The following ACTR3C variants were observed in gnomAD, a reference collection of about 807,000 sequenced individuals.
ACTR3C encodes actin-related protein 3C.
In ACTR3C, 18 loss-of-function variants were observed where a neutral mutation model predicts 26.3. The observed-to-expected ratio is 0.68, with a 90% CI of 0.47 to 1.01. ACTR3C has a LOEUF of 1.01. ACTR3C is among the 50% of genes least tolerant of loss of function. ACTR3C has a pLI of 0.00. For missense variants in ACTR3C, 184 were observed against 250.7 expected, an observed-to-expected ratio of 0.73 and a Z score of 1.80; for synonymous variants, 55 against 94.5, an observed-to-expected ratio of 0.58 and a Z score of 2.42.
chr7:150,083,123 T>C, the ACTR3C span, among the ~76,000 whole-genome samples: 7 of 151,058 alleles, frequency 4.6e-5, 1 homozygote, highest in Non-Finnish European at 1.0e-4. Flanking sequence ...GTTTTTGAAT[T>C]TTCTTTTTTT....
At chr7:149,949,749 A>C in the ACTR3C span, among the ~76,000 whole-genome samples, 1 of 147,312 alleles carries the variant, frequency 6.8e-6, no homozygotes, top group South Asian at 2.1e-4. Flanking sequence ...TGAGGATGGA[A>C]GCAGAGTACA....
At chr7:149,904,792 C>T in the ACTR3C span, among the ~76,000 whole-genome samples, 1 of 150,274 alleles carries the variant, frequency 6.7e-6, no homozygotes, top group Non-Finnish European at 1.5e-5. Flanking sequence ...TCAGGAGTTC[C>T]AGACCAGCCT....
the ACTR3C span, among the ~76,000 whole-genome samples, chr7:150,165,430 T>C: frequency 6.6e-6 from 1 of 151,852 alleles, no homozygotes; most frequent in African/African-American, 2.4e-5. Context: ...AAGAGCTGCC[T>C]CAAGGGCTCT....
At chr7:149,981,342 TG>T in the ACTR3C span, among the ~76,000 whole-genome samples, 11 of 152,144 alleles carry the variant, frequency 7.2e-5, no homozygotes, top group African/African-American at 2.4e-4. Context: ...CTGGGCTTTT[TG>T]CATCAGGGCC....
At chr7:149,954,704 CTGAG>C in the ACTR3C span, among the ~76,000 whole-genome samples, 36 of 152,298 alleles carry the variant, frequency 2.4e-4, no homozygotes, top group African/African-American at 8.2e-4. Flanking sequence ...AGCCACTTAA[CTGAG>C]TATGTGTGGA....
the ACTR3C span, among the ~76,000 whole-genome samples, chr7:149,947,342 C>A: frequency 1.1e-5 from 1 of 90,012 alleles, no homozygotes; most frequent in African/African-American, 5.8e-5. Flanking sequence ...GTGGGGAGCC[C>A]CCCAAGAAGA....
At chr7:150,036,577 C>G in the ACTR3C span, among the ~76,000 whole-genome samples, 1 of 143,868 alleles carries the variant, frequency 7.0e-6, no homozygotes. Flanking sequence ...TGACCTCATA[C>G]AAAGGCTTGG....
the ACTR3C span, among the ~76,000 whole-genome samples, chr7:150,128,687 G>C: frequency 1.3e-5 from 2 of 151,322 alleles, no homozygotes; most frequent in African/African-American, 4.9e-5. Flanking sequence ...AGAGACACAA[G>C]ATCAGTGTGA....
the ACTR3C span, among the ~76,000 whole-genome samples, chr7:149,938,903 C>CT: frequency 4.0e-4 from 59 of 146,656 alleles, no homozygotes; most frequent in African/African-American, 1.3e-3. Flanking sequence ...TGCATAATAT[C>CT]TAAATAAATA....
At chr7:149,992,827 G>T in the ACTR3C span, among the ~76,000 whole-genome samples, 2 of 152,198 alleles carry the variant, frequency 1.3e-5, no homozygotes, top group African/African-American at 2.4e-5. Flanking sequence ...TAGGCCATCT[G>T]CAAGCTCGGG....
At chr7:150,032,715 G>A in the ACTR3C span, among the ~76,000 whole-genome samples, 1 of 151,874 alleles carries the variant, frequency 6.6e-6, no homozygotes, top group African/African-American at 2.4e-5. Flanking sequence ...TAAGAGTGAA[G>A]TCCCACAGCC....
chr7:149,936,250 C>T, the ACTR3C span, among the ~76,000 whole-genome samples: 4 of 152,198 alleles, frequency 2.6e-5, no homozygotes, highest in African/African-American at 9.6e-5. Flanking sequence ...TTGGGTATAC[C>T]GGGTTTGGCT....
the ACTR3C span, chr7:150,002,052 C>T: frequency 0.31 from 46,519 of 151,240 alleles, 7,364 homozygotes; most frequent in Non-Finnish European, 0.37. Context: ...CACCCAGCAC[C>T]ACCCTGCCTG....
At chr7:149,958,108 A>T in the ACTR3C span, among the ~76,000 whole-genome samples, 2 of 152,042 alleles carry the variant, frequency 1.3e-5, no homozygotes, top group Non-Finnish European at 2.9e-5. Context: ...GTCTTGTCCA[A>T]TTAATATTTC....
At chr7:149,970,148 A>G in the ACTR3C span, among the ~76,000 whole-genome samples, 1 of 152,282 alleles carries the variant, frequency 6.6e-6, no homozygotes, top group East Asian at 1.9e-4. Flanking sequence ...CTTGGCATAC[A>G]AATCCTTTTC....
At chr7:150,010,287 G>GC in the ACTR3C span, among the ~76,000 whole-genome samples, 3 of 152,180 alleles carry the variant, frequency 2.0e-5, no homozygotes. Flanking sequence ...ACATCACCCT[G>GC]CACCTCATTC....
chr7:150,138,453 A>G, the ACTR3C span, among the ~76,000 whole-genome samples: 13 of 152,362 alleles, frequency 8.5e-5, no homozygotes, highest in African/African-American at 2.9e-4. Context: ...ACCGTTTCAC[A>G]GGACTAGTCT....
chr7:150,273,392 C>A (rs538728745), intron 6 of ACTR3C, among the ~76,000 whole-genome samples: 27,196 of 147,648 alleles, frequency 0.18, 3,690 homozygotes, highest in African/African-American at 0.38. Context: ...ATCCTCCCAC[C>A]TCAGCCTCCC....
chr7:150,083,649 ACCCACT>A, the ACTR3C span, among the ~76,000 whole-genome samples: 1 of 152,170 alleles, frequency 6.6e-6, no homozygotes, highest in Non-Finnish European at 1.5e-5. Context: ...GCACGTTTGT[ACCCACT>A]AACCAACCTC....
Sources: allele counts gnomAD v4.1 joint callset (sites outside exome capture counted in the v4.1 genomes callset), GRCh38; gene constraint gnomAD v4.1.1; transcripts MANE v1.5; gene names NCBI Gene and HGNC (gene_info 2026-07-23, HGNC 2026-07-21).